Variants in USP48 observed in about 807,000 individuals in gnomAD.
USP48 encodes the protein ubiquitin carboxyl-terminal hydrolase 48.
Under a neutral mutation model 150.7 loss-of-function variants are expected in USP48, and 43 were observed. The ratio of observed to expected loss-of-function variants is 0.29; its 90% CI spans 0.22 to 0.37. The LOEUF (loss-of-function observed/expected upper bound fraction) is 0.37, where lower values mean the gene tolerates loss of function less well. Ranked by LOEUF, USP48 falls within the 10% of genes least tolerant of loss-of-function variation. The pLI is 1.00. For missense variants in USP48, 813 were observed against 1,249.6 expected (o/e 0.65, Z 5.27); for synonymous variants, 396 against 425.9 (o/e 0.93, Z 0.86).
At position 21,723,916 on chromosome 1, in the gene USP48, C is replaced by T. The variant is rs1371755592; in HGVS notation, c.1630G>A (p.Gly544Arg). The change falls in exon 12 of 27, where the codon GGA (glycine) becomes AGA (arginine). Residue 544 changes from glycine (G) to arginine (R), a missense_variant. Gly to Arg is a moderately radical substitution (Grantham distance 125). Transcript: ENST00000308271. ...GAATTACCAGTTAGTCTTGGACCTC[C>T]TCCATATCTACTATAGAAAATGTCA... Reference protein sequence around the residue: ...AADIFYSRYGGGPRLTVKALC... With the variant: ...AADIFYSRYGRGPRLTVKALC... 1 of 1,613,878 alleles carries T rather than the reference C, an allele frequency of 6.2e-7. No individual in the cohort carries two copies. Among genetic ancestry groups the T allele is most frequent in the East Asian group, 2.2e-5 (1 of 44,874 alleles).
intron 14 of USP48, among the ~76,000 whole-genome samples, chr1:21,717,225 G>A (rs924325063): frequency 2.0e-5 from 3 of 151,428 alleles, no homozygotes; most frequent in Non-Finnish European, 4.4e-5. Context: ...GCAACATGGC[G>A]AAACCCCATC....
At chr1:21,681,227 T>C (rs1008372115) in intron 25 of USP48, 1 of 161,434 alleles carries the variant, frequency 6.2e-6, no homozygotes, top group African/African-American at 2.4e-5. Context: ...TTCTGGTATT[T>C]AGCCTATTTC....
Position 21,782,983 on chromosome 1 carries a change from G to A in USP48, c.-26C>T, listed in dbSNP as rs1399961392. ...GGCCTTGGCCCCAGGAACGCCTCCC[G>A]AGCCAGACCGCCGCAGCCGCCGCCG... On this transcript the variant is annotated 5_prime_UTR_variant, in exon 1 of 27. Transcript: ENST00000308271. 3 of 1,504,322 alleles carry A rather than the reference G, an allele frequency of 2.0e-6. No individual in the cohort carries two copies. The highest frequency in any genetic ancestry group is 2.6e-5 in the East Asian group (1 of 37,910). The allele number at this position is 1,504,322 out of a possible 1,614,324, so 93.2% of individuals were successfully genotyped here. A position where few individuals can be genotyped will look rare whatever the true frequency, so the allele number is the denominator to read the frequency against.
At chr1:21,716,081 G>A (rs968821955) in intron 14 of USP48, among the ~76,000 whole-genome samples, 3 of 152,118 alleles carry the variant, frequency 2.0e-5, no homozygotes, top group Non-Finnish European at 4.4e-5. Context: ...AGCAAAACTA[G>A]CATGAATTTT....
Position 21,712,519 on chromosome 1 carries a change from A to C in USP48, c.1963+2870T>G, listed in dbSNP as rs192996493. ...TGGTTTTAACAGAAACTTAATGAGT[A>C]AAGTGGATTTCTAAGTAAGGCTGGG... On this transcript the variant is annotated intron_variant, in intron 15 of 26. Coordinates refer to ENST00000308271, the MANE Select transcript of USP48 (RefSeq NM_032236.8). 6.4e-4 allele frequency among the ~76,000 whole-genome samples: 97 copies of C among 152,314 alleles called. No homozygotes were observed. The East Asian group carries it at 0.015, about 24-fold the overall frequency.
chr1:21,780,277 T>C (rs2152662039), intron 1 of USP48, among the ~76,000 whole-genome samples: 1 of 152,186 alleles, frequency 6.6e-6, no homozygotes, highest in East Asian at 1.9e-4. Context: ...CTTGGAAACA[T>C]TACGTTAAGT....
At chr1:21,772,802 A>C (rs2097885377) in intron 1 of USP48, among the ~76,000 whole-genome samples, 1 of 148,480 alleles carries the variant, frequency 6.7e-6, no homozygotes, top group South Asian at 2.1e-4. Flanking sequence ...CGGACCTGTA[A>C]TCCCAGCTAC....
intron 7 of USP48, among the ~76,000 whole-genome samples, chr1:21,747,391 A>T (rs2097796980): frequency 6.6e-6 from 1 of 152,234 alleles, no homozygotes; most frequent in Non-Finnish European, 1.5e-5. Flanking sequence ...GTTTCAACTT[A>T]ATCACAAAAC....
chr1:21,679,868 A>AT (rs2097560845), intron 26 of USP48, among the ~76,000 whole-genome samples: 1 of 151,338 alleles, frequency 6.6e-6, no homozygotes, highest in Non-Finnish European at 1.5e-5. Context: ...TAATTTTTGT[A>AT]TTTTTAGTAG....
At chr1:21,765,557 C>T (rs2097859622) in intron 1 of USP48, among the ~76,000 whole-genome samples, 1 of 150,220 alleles carries the variant, frequency 6.7e-6, no homozygotes, top group Admixed American at 6.7e-5. Flanking sequence ...GCGGAGGTTG[C>T]AGTGAGCCGA....
At chr1:21,759,362 A>G (rs2097844814) in intron 1 of USP48, among the ~76,000 whole-genome samples, 1 of 152,178 alleles carries the variant, frequency 6.6e-6, no homozygotes, top group Non-Finnish European at 1.5e-5. Context: ...AAGCTCATTT[A>G]CTAGTACCCT....
intron 1 of USP48, among the ~76,000 whole-genome samples, chr1:21,780,738 AT>A (rs34071636): frequency 0.031 from 3,649 of 117,396 alleles, 49 homozygotes; most frequent in African/African-American, 0.065. Context: ...AGATAAGATA[AT>A]TTTTTTTTTT....
At chr1:21,684,151 T>C (rs1438216380) in intron 25 of USP48, among the ~76,000 whole-genome samples, 1 of 152,234 alleles carries the variant, frequency 6.6e-6, no homozygotes, top group African/African-American at 2.4e-5. Context: ...TAAATACCAC[T>C]AGTGGGATTG....
At chr1:21,758,864 T>G (rs1472819647) in intron 1 of USP48, among the ~76,000 whole-genome samples, 1 of 152,088 alleles carries the variant, frequency 6.6e-6, no homozygotes, top group Non-Finnish European at 1.5e-5. Context: ...ACTTCACGCA[T>G]GCACACAAAC....
chr1:21,708,708 C>T (rs996854654), intron 15 of USP48, among the ~76,000 whole-genome samples: 2 of 150,998 alleles, frequency 1.3e-5, no homozygotes, highest in Non-Finnish European at 3.0e-5. Context: ...ATGGTGAAAC[C>T]CTGTCTCTAC....
intron 1 of USP48, among the ~76,000 whole-genome samples, chr1:21,781,383 G>A (rs1182104272): frequency 1.3e-5 from 2 of 152,168 alleles, no homozygotes; most frequent in African/African-American, 4.8e-5. Flanking sequence ...AGGTTGCAGT[G>A]AGCCGAGATC....
At chr1:21,780,571 G>T (rs1557632998) in intron 1 of USP48, among the ~76,000 whole-genome samples, 1 of 151,898 alleles carries the variant, frequency 6.6e-6, no homozygotes, top group African/African-American at 2.4e-5. Flanking sequence ...TTTTTTTAAT[G>T]AAATGAAGTG....
At chr1:21,721,196 T>C (rs776761191) in intron 13 of USP48, 30 bp from the exon 14 acceptor site, 2 of 1,611,378 alleles carry the variant, frequency 1.2e-6, no homozygotes, top group East Asian at 4.5e-5. Flanking sequence ...TTAAATCATA[T>C]AAGTAATATT....
intron 14 of USP48, among the ~76,000 whole-genome samples, chr1:21,717,810 C>T (rs2097708882): frequency 6.6e-6 from 1 of 152,006 alleles, no homozygotes; most frequent in Non-Finnish European, 1.5e-5. Flanking sequence ...AAAAATTAGC[C>T]CACTGTGCTG....
Sources: allele counts gnomAD v4.1 joint callset (sites outside exome capture counted in the v4.1 genomes callset), GRCh38; gene constraint gnomAD v4.1.1; transcripts MANE v1.5; gene names NCBI Gene and HGNC (gene_info 2026-07-23, HGNC 2026-07-21).